EML6: variants seen among roughly 807,000 people sequenced by gnomAD.
EML6 encodes EMAP like 6.
A neutral mutation model predicts 240.1 loss-of-function variants in EML6; 154 were observed. The observed-to-expected ratio is 0.64, with a 90% CI of 0.56 to 0.73. EML6 has a LOEUF of 0.73. EML6 is among the 30% of genes least tolerant of loss of function. The pLI, the probability that EML6 is intolerant of heterozygous loss-of-function variation, is 0.00. For missense variants in EML6, 2,964 were observed against 2,474.6 expected, an observed-to-expected ratio of 1.20 and a Z score of -4.20; for synonymous variants, 1,148 against 899.0, an observed-to-expected ratio of 1.28 and a Z score of -4.95.
intron 25 of EML6, among the ~76,000 whole-genome samples, chr2:54,915,259 G>A (rs561063701): frequency 3.5e-4 from 53 of 152,132 alleles, no homozygotes; most frequent in Non-Finnish European, 7.2e-4. Flanking sequence ...GTTGTGTTGG[G>A]GTGTCTGCCA....
chr2:54,912,675 C>G (rs537953678), intron 25 of EML6, among the ~76,000 whole-genome samples: 4 of 152,134 alleles, frequency 2.6e-5, no homozygotes, highest in African/African-American at 9.7e-5. Context: ...TATTCTGTTC[C>G]TGCGTTAATT....
Position 54,916,998 on chromosome 2 carries a change from C to A in EML6, c.3675+63C>A, listed in dbSNP as rs1432561516. On this transcript the variant is annotated intron_variant, in intron 26 of 41. Coordinates refer to ENST00000356458, the MANE Select transcript of EML6 (RefSeq NM_001039753.4). ...TCCTTAATAACCTTAAATATTGTAT[C>A]TAAGTGCATTTTTAAAAATTTGAAG... 14 of 1,275,562 alleles carry A rather than the reference C, an allele frequency of 1.1e-5. No homozygotes were observed. The South Asian group carries it at 1.1e-4, about 10-fold the overall frequency. 79.0% of individuals were successfully genotyped at this position (1,275,562 alleles called of 1,614,324 possible).
intron 17 of EML6, among the ~76,000 whole-genome samples, chr2:54,884,422 G>A (rs1219502943): frequency 6.6e-6 from 1 of 152,104 alleles, no homozygotes; most frequent in Non-Finnish European, 1.5e-5. Context: ...ACCAACTGGC[G>A]ATGGGTGAGC....
At chr2:54,798,691 T>C (rs902301356) in intron 2 of EML6, among the ~76,000 whole-genome samples, 2 of 152,204 alleles carry the variant, frequency 1.3e-5, no homozygotes, top group African/African-American at 4.8e-5. Flanking sequence ...GATAATAGGA[T>C]TTTGTAACTG....
Position 54,746,746 on chromosome 2 carries a change from C to G in EML6, c.197+21488C>G, listed in dbSNP as rs550163951. ...AATTCCATACGTGTCCTAGTTTCAT[C>G]TAATTCTCCTTTGAATCTCAAAAGC... is the stretch of plus-strand genomic sequence containing the variant. On this transcript the variant is annotated intron_variant, in intron 2 of 41. Transcript: ENST00000356458. 2.5e-4 allele frequency among the ~76,000 whole-genome samples: 38 copies of G among 152,314 alleles called. 1 individual carries two copies. The South Asian group carries it at 6.4e-3, about 26-fold the overall frequency.
chr2:54,818,342 G>T (rs773072349), intron 4 of EML6, among the ~76,000 whole-genome samples: 1 of 152,172 alleles, frequency 6.6e-6, no homozygotes, highest in Non-Finnish European at 1.5e-5. Context: ...CTGCAACCTA[G>T]CTTGCTAAGT....
At chr2:54,757,906 T>C (rs1274732235) in intron 2 of EML6, among the ~76,000 whole-genome samples, 1 of 151,696 alleles carries the variant, frequency 6.6e-6, no homozygotes, top group African/African-American at 2.4e-5. Context: ...TTCTTCAAGG[T>C]TTCTTTTGCA....
In EML6 at chr2:54,962,644, C is replaced by G; in HGVS notation, c.5090C>G (p.Pro1697Arg). Residue 1697 changes from proline (P) to arginine (R), a missense_variant, in exon 36 of 42, where the codon CCT (proline) becomes CGT (arginine). Coordinates refer to ENST00000356458, the MANE Select transcript of EML6 (RefSeq NM_001039753.4). ...GAGATCTGGGGCCTGGCCACTCACC[C>G]TTCCAAGGACCTCTTCATCTCTGCC... ...EGEIWGLATH[P>R]SKDLFISASN... is the part of the protein sequence containing the mutation. The G allele has an allele frequency of 6.5e-7, 1 of 1,541,822 alleles. No individual in the cohort carries two copies. Among genetic ancestry groups the G allele is most frequent in the Non-Finnish European group, 8.8e-7 (1 of 1,142,590 alleles).
intron 16 of EML6, among the ~76,000 whole-genome samples, chr2:54,875,807 T>C (rs1671476098): frequency 6.6e-6 from 1 of 152,238 alleles, no homozygotes; most frequent in Non-Finnish European, 1.5e-5. Flanking sequence ...AGTGCTTCCA[T>C]ATGAATAGAA....
chr2:54,874,925 G>T (rs1236735073), intron 16 of EML6, among the ~76,000 whole-genome samples: 4 of 152,174 alleles, frequency 2.6e-5, no homozygotes, highest in South Asian at 2.1e-4. Context: ...CAGAACCCAG[G>T]TCCATTGTGA....
chr2:54,966,938 C>T (rs1676774793), intron 38 of EML6, 62 bp from the exon 39 acceptor site: 2 of 1,115,694 alleles, frequency 1.8e-6, no homozygotes, highest in Non-Finnish European at 2.6e-6. Flanking sequence ...AAACTGTGCC[C>T]AAAGGGAGTC....
chr2:54,836,765 A>C (rs901132318), intron 7 of EML6, among the ~76,000 whole-genome samples: 2 of 151,972 alleles, frequency 1.3e-5, no homozygotes, highest in Non-Finnish European at 2.9e-5. Context: ...TGGAATTCCT[A>C]ATCGTTTTTT....
intron 13 of EML6, among the ~76,000 whole-genome samples, chr2:54,865,321 C>CAAAAAA (rs10689357): frequency 1.4e-5 from 2 of 138,730 alleles, no homozygotes; most frequent in Non-Finnish European, 1.5e-5. Flanking sequence ...TCTGTATCTA[C>CAAAAAA]AAAAAAAAAA....
chr2:54,938,813 A>C (rs1359423083), intron 28 of EML6, among the ~76,000 whole-genome samples: 2 of 152,132 alleles, frequency 1.3e-5, no homozygotes, highest in African/African-American at 2.4e-5. Context: ...GCCAAGTCTG[A>C]GATTGGCACT....
intron 23 of EML6, 79 bp from the exon 24 acceptor site, chr2:54,903,292 C>G: frequency 2.0e-6 from 3 of 1,523,428 alleles, no homozygotes; most frequent in Non-Finnish European, 2.7e-6. Context: ...ACCATTTTCC[C>G]ACTTTTAAAA....
intron 2 of EML6, among the ~76,000 whole-genome samples, chr2:54,781,836 A>AT (rs1011348147): frequency 1.3e-5 from 2 of 151,800 alleles, no homozygotes; most frequent in African/African-American, 4.8e-5. Flanking sequence ...CGTCCCACTA[A>AT]TTTTTTTATT....
intron 28 of EML6, among the ~76,000 whole-genome samples, chr2:54,938,594 A>G (rs923443024): frequency 1.3e-5 from 2 of 152,224 alleles, no homozygotes; most frequent in Non-Finnish European, 2.9e-5. Context: ...CTCCCACAGT[A>G]TAAGTAACTA....
intron 26 of EML6, among the ~76,000 whole-genome samples, chr2:54,918,310 C>G (rs1044122144): frequency 1.3e-5 from 2 of 152,058 alleles, no homozygotes; most frequent in Non-Finnish European, 2.9e-5. Flanking sequence ...AGGAACCTCC[C>G]CCTCAATTCA....
intron 30 of EML6, among the ~76,000 whole-genome samples, chr2:54,951,971 T>C (rs894551427): frequency 2.6e-5 from 4 of 152,206 alleles, no homozygotes; most frequent in East Asian, 1.9e-4. Flanking sequence ...GTGGCTATTA[T>C]GGAAGTCAGC....
Sources: allele counts gnomAD v4.1 joint callset (sites outside exome capture counted in the v4.1 genomes callset), GRCh38; gene constraint gnomAD v4.1.1; transcripts MANE v1.5; gene names NCBI Gene and HGNC (gene_info 2026-07-23, HGNC 2026-07-21).